Variants in NFAT5 observed in about 807,000 individuals in gnomAD.
NFAT5 encodes nuclear factor of activated T cells 5.
A neutral mutation model predicts 166.5 loss-of-function variants in NFAT5; 31 were observed. That is an observed-to-expected ratio of 0.19 (90% CI 0.14 to 0.25). The LOEUF is 0.25. Ranked by LOEUF, NFAT5 falls within the 10% of genes least tolerant of loss-of-function variation. NFAT5 has a pLI of 1.00. For synonymous variants in NFAT5, 612 were observed against 639.7 expected (o/e 0.96, Z 0.65); for missense variants, 1,449 against 1,821.8 (o/e 0.80, Z 3.72).
At chr16:69,679,540 G>A (rs1202595340) in intron 10 of NFAT5, among the ~76,000 whole-genome samples, 1 of 151,860 alleles carries the variant, frequency 6.6e-6, no homozygotes, top group Non-Finnish European at 1.5e-5. Flanking sequence ...TCTTGAACCC[G>A]GGAGGTGGAG....
chr16:69,662,048 C>T (rs965207861), intron 7 of NFAT5, among the ~76,000 whole-genome samples: 1 of 152,066 alleles, frequency 6.6e-6, no homozygotes, highest in Non-Finnish European at 1.5e-5. Flanking sequence ...CAAAGCAAGA[C>T]CCTGTCTCTA....
chr16:69,649,811 A>G (rs1008413314), intron 4 of NFAT5, among the ~76,000 whole-genome samples: 5 of 152,002 alleles, frequency 3.3e-5, no homozygotes, highest in Non-Finnish European at 7.4e-5. Context: ...TAAATCTACA[A>G]TTTATATCAT....
At chr16:69,624,426 C>T (rs1009169248) in intron 2 of NFAT5, among the ~76,000 whole-genome samples, 3 of 152,002 alleles carry the variant, frequency 2.0e-5, no homozygotes, top group South Asian at 2.1e-4. Context: ...AGGCTGGTCT[C>T]GAACTCCTGA....
At chr16:69,575,872 G>A (rs918417102) in intron 2 of NFAT5, among the ~76,000 whole-genome samples, 14 of 152,000 alleles carry the variant, frequency 9.2e-5, no homozygotes, top group African/African-American at 2.7e-4. Context: ...TCCCTATTTC[G>A]TAAATGAACA....
intron 2 of NFAT5, among the ~76,000 whole-genome samples, chr16:69,572,286 T>C (rs1254896382): frequency 2.0e-5 from 3 of 152,212 alleles, no homozygotes; most frequent in African/African-American, 7.2e-5. Flanking sequence ...AATTAACATG[T>C]GACACTCTTA....
intron 2 of NFAT5, among the ~76,000 whole-genome samples, chr16:69,604,870 G>T (rs2033322590): frequency 1.3e-5 from 2 of 152,106 alleles, no homozygotes; most frequent in South Asian, 4.1e-4. Flanking sequence ...TATCCACCTT[G>T]TAGCATGTAC....
At position 69,674,518 on chromosome 16, in the gene NFAT5, G is replaced by A. The variant is rs570580891; in HGVS notation, c.1558-2685G>A. ...CAAATATACATAAAAGGATAGCTCA[G>A]GGGAAGATGGTATAAATGTGGAAAG... On this transcript the variant is annotated intron_variant, in intron 9 of 14. Transcript: ENST00000349945. Among the ~76,000 whole-genome samples, 6 of 152,018 alleles carry A rather than the reference G, an allele frequency of 3.9e-5. No individual in the cohort carries two copies. The East Asian group carries it at 1.2e-3, about 29-fold the overall frequency.
chr16:69,612,066 T>G (rs2033727940), intron 2 of NFAT5, among the ~76,000 whole-genome samples: 1 of 152,250 alleles, frequency 6.6e-6, no homozygotes, highest in Non-Finnish European at 1.5e-5. Context: ...TATATTCATT[T>G]ATTACCTCTT....
chr16:69,670,164 TG>T, intron 8 of NFAT5, 53 bp downstream of exon 8: 1 of 1,591,140 alleles, frequency 6.3e-7, no homozygotes. Flanking sequence ...CTTTGTTATA[TG>T]GATATAGTCA....
At chr16:69,648,899 T>C (rs1307733224) in intron 4 of NFAT5, 10 of 949,464 alleles carry the variant, frequency 1.1e-5, no homozygotes, top group Non-Finnish European at 1.3e-5. Context: ...AAGCACTCCC[T>C]CAGTACATTT....
At chr16:69,689,912 A>G (rs1217995074) in intron 11 of NFAT5, among the ~76,000 whole-genome samples, 10 of 152,196 alleles carry the variant, frequency 6.6e-5, no homozygotes, top group Non-Finnish European at 1.5e-4. Context: ...CTTATAGACC[A>G]TGTGCCATTT....
At chr16:69,598,380 T>TAAAAA (rs374912279) in intron 2 of NFAT5, among the ~76,000 whole-genome samples, 32 of 118,996 alleles carry the variant, frequency 2.7e-4, no homozygotes, top group Non-Finnish European at 4.8e-4. Context: ...CCTGTCTCTT[T>TAAAAA]AAAAAAAAAA....
chr16:69,596,222 T>C (rs1280303117), intron 2 of NFAT5, among the ~76,000 whole-genome samples: 1 of 152,190 alleles, frequency 6.6e-6, no homozygotes, highest in Non-Finnish European at 1.5e-5. Context: ...ATTTAGATTA[T>C]AAGAGACTGG....
Position 69,692,581 on chromosome 16 carries a change from A to G in NFAT5, c.2756A>G (p.Gln919Arg). ...TCAGCCGCAATGGTGATGGAGATGC[A>G]ACAGAGTATCTGCCAGGCAGCTGCC... ...ESSAAMVMEMQQSICQAAAQI... is the reference protein window; with the variant it reads ...ESSAAMVMEMRQSICQAAAQI... The change falls in exon 13 of 15, where the codon CAA becomes CGA. Residue 919 changes from glutamine (Q) to arginine (R), a missense_variant. By Grantham distance (43) the Gln-to-Arg change is conservative. This residue lies in a region of NFAT5 where 891 missense variants were observed against 993.0 expected (regional missense o/e 0.90). Coordinates refer to ENST00000349945, the MANE Select transcript of NFAT5 (RefSeq NM_138713.4). The G allele has an allele frequency of 6.2e-7, 1 of 1,614,224 alleles. No homozygotes were observed.
Position 69,647,316 on chromosome 16 carries a change from G to A in NFAT5, c.542G>A (p.Gly181Glu), listed in dbSNP as rs773069993. 3.7e-6 allele frequency: 6 copies of A among 1,614,154 alleles called. No homozygotes were observed. Among genetic ancestry groups the A allele is most frequent in the South Asian group, 1.1e-5 (1 of 91,084 alleles). Reference protein sequence around the residue: ...DNSRMSCQDEGCGLESEQSCS... With the variant: ...DNSRMSCQDEECGLESEQSCS... Reference sequence around the variant, plus strand: ...AGTCGGATGTCCTGCCAGGATGAGGGGTGTGGATTGGAATCTGAGCAGAGC... The same window carrying A: ...AGTCGGATGTCCTGCCAGGATGAGGAGTGTGGATTGGAATCTGAGCAGAGC... The change falls in exon 4 of 15, where the codon GGG (glycine) becomes GAG (glutamate). Residue 181 changes from glycine (G) to glutamate (E), a missense_variant. Transcript: ENST00000349945. The surrounding 1 kb of genome is among the most constrained non-coding windows in gnomAD (Gnocchi z 4.8).
chr16:69,652,521 G>A (rs2035715286), intron 4 of NFAT5, among the ~76,000 whole-genome samples: 1 of 151,626 alleles, frequency 6.6e-6, no homozygotes, highest in African/African-American at 2.4e-5. Context: ...TTTATTGAGG[G>A]CTTTAATTAC....
chr16:69,641,192 C>T (rs537712789), intron 3 of NFAT5, among the ~76,000 whole-genome samples: 21 of 146,356 alleles, frequency 1.4e-4, no homozygotes, highest in Admixed American at 1.4e-4. Flanking sequence ...GCAGGAGAAT[C>T]GCTTTTACCT....
chr16:69,597,746 C>T (rs575173253), intron 2 of NFAT5, among the ~76,000 whole-genome samples: 31 of 152,172 alleles, frequency 2.0e-4, no homozygotes, highest in Non-Finnish European at 2.6e-4. Context: ...CGCCCACCAC[C>T]GCGCCTGACT....
intron 4 of NFAT5, among the ~76,000 whole-genome samples, chr16:69,652,949 G>A (rs557122186): frequency 8.0e-5 from 12 of 150,792 alleles, no homozygotes; most frequent in South Asian, 4.1e-4. Context: ...AGTTTATTGC[G>A]CTCAATCTTC....
Sources: gnomAD v4.1 joint callset for allele counts (sites outside exome capture counted in the v4.1 genomes callset) on GRCh38, gnomAD v4.1.1 for gene constraint, gnomAD v4.1.1 regional missense constraint, Gnocchi (gnomAD v3.1) non-coding constraint, MANE v1.5 for transcripts, NCBI Gene and HGNC (gene_info 2026-07-23, HGNC 2026-07-21) for gene names.